The following SDE2 variants were observed in gnomAD, a reference collection of about 807,000 sequenced individuals.
SDE2 encodes spliceosome associated SDE2.
A neutral mutation model predicts 46.9 loss-of-function variants in SDE2; 31 were observed. The ratio of observed to expected loss-of-function variants is 0.66; its 90% CI spans 0.50 to 0.89. The LOEUF is 0.89. Ranked by LOEUF, SDE2 falls within the 40% of genes least tolerant of loss-of-function variation. SDE2 has a pLI of 0.00. For synonymous variants in SDE2, 205 were observed against 204.3 expected (o/e 1.00, Z -0.03); for missense variants, 542 against 564.4 (o/e 0.96, Z 0.40).
chr1:225,998,382 A>C (rs1656580100), intron 1 of SDE2, among the ~76,000 whole-genome samples: 1 of 152,220 alleles, frequency 6.6e-6, no homozygotes, highest in Admixed American at 6.5e-5. Flanking sequence ...TTAAGCTTAT[A>C]AATAGTAAGC....
Position 225,991,308 on chromosome 1 carries a change from T to C in SDE2, c.576A>G (p.Lys192=). 1 of 1,613,918 alleles carries C rather than the reference T, an allele frequency of 6.2e-7. No individual in the cohort carries two copies. The highest frequency in any genetic ancestry group is 8.5e-7 in the Non-Finnish European group (1 of 1,179,826). The change falls in exon 5 of 7, where the codon AAA becomes AAG. Residue 192 remains lysine (K), a synonymous_variant. Coordinates refer to ENST00000272091, the MANE Select transcript of SDE2 (RefSeq NM_152608.4). Reference sequence around the variant, plus strand: ...TTTGAGATTTAGTAGGCCATTGCCGTTTCCGATTCTCACTGATTTCTGCTG... The same window carrying C: ...TTTGAGATTTAGTAGGCCATTGCCGCTTCCGATTCTCACTGATTTCTGCTG... The part of the protein sequence containing the change: ...MVSAEISENR[K]RQWPTKSQTD...
In SDE2 at chr1:225,988,269, T is replaced by C. The variant is rs556090747; in HGVS notation, c.761A>G (p.Asn254Ser). The C allele has an allele frequency of 2.5e-5, 40 of 1,614,196 alleles. No individual in the cohort carries two copies. The highest frequency in any genetic ancestry group is 1.1e-4 in the East Asian group (5 of 44,886). The stretch of plus-strand genomic sequence containing the variant: ...AAATTTGGCTGCCATCTCGACACCA[T>C]TGCTACCAATTTTTGGAGCATGGAA... ...MGFHAPKIGSNGVEMAAKFPS... is the reference protein window; with the variant it reads ...MGFHAPKIGSSGVEMAAKFPS... Residue 254 changes from asparagine to serine, a missense_variant, in exon 6 of 7, where the codon AAT becomes AGT. Asn to Ser is a conservative substitution (Grantham distance 46). Transcript: ENST00000272091.
Position 225,987,981 on chromosome 1 carries a change from T to C in SDE2, c.1049A>G (p.Asp350Gly), listed in dbSNP as rs1656306256. ...NKDKETEERT[D>G]GERVAEVAPE... ...TGCTACCTCAGCAACTCTTTCCCCATCAGTCCTTTCTTCTGTCTCTTTATC... is the reference window on the plus strand; with the variant it reads ...TGCTACCTCAGCAACTCTTTCCCCACCAGTCCTTTCTTCTGTCTCTTTATC... The change falls in exon 6 of 7, where the codon GAT becomes GGT. Residue 350 changes from aspartate to glycine, a missense_variant. Physicochemically the swap from Asp to Gly is moderately conservative, Grantham distance 94 (BLOSUM62 -1). This residue lies in a region of SDE2 where 401 missense variants were observed against 437.8 expected (regional missense o/e 0.92). Transcript: ENST00000272091. 6.2e-7 allele frequency: 1 copy of C among 1,614,066 alleles called. No individual in the cohort carries two copies. The highest frequency in any genetic ancestry group is 8.5e-7 in the Non-Finnish European group (1 of 1,180,004).
intron 6 of SDE2, among the ~76,000 whole-genome samples, chr1:225,986,405 G>C (rs1294097639): frequency 6.6e-6 from 1 of 150,948 alleles, no homozygotes; most frequent in Non-Finnish European, 1.5e-5. Flanking sequence ...GTCTATCTTT[G>C]AGTGATTTTT....
At chr1:225,994,089 T>G (rs904486195) in intron 2 of SDE2, among the ~76,000 whole-genome samples, 6 of 151,470 alleles carry the variant, frequency 4.0e-5, no homozygotes, top group African/African-American at 1.2e-4. Context: ...TTCTTTTTTT[T>G]TTTTTTTGAG....
rs768026117 is a variant in SDE2, at chr1:225,985,445, T to C, written c.1213A>G (p.Lys405Glu). 3.7e-6 allele frequency: 6 copies of C among 1,613,474 alleles called. No individual in the cohort carries two copies. The highest frequency in any genetic ancestry group is 2.7e-5 in the African/African-American group (2 of 74,924). Residue 405 changes from lysine to glutamate, a missense_variant, in exon 7 of 7, where the codon AAA becomes GAA. Coordinates refer to ENST00000272091, the MANE Select transcript of SDE2 (RefSeq NM_152608.4). Reference protein sequence around the residue: ...ELELLGLEKLKCELMALGLKC... With the variant: ...ELELLGLEKLECELMALGLKC... ...AGTCCAAGGGCCATCAGTTCACATT[T>C]GAGCTTCTCCAAACCCAGCAACTCC...
At chr1:225,995,959 C>G (rs552101637) in intron 1 of SDE2, among the ~76,000 whole-genome samples, 59 of 152,124 alleles carry the variant, frequency 3.9e-4, no homozygotes, top group Non-Finnish European at 7.5e-4. Context: ...TGCCCCAGAG[C>G]CTACATGAAT....
At chr1:225,993,089 G>A in intron 2 of SDE2, 87 bp from the exon 3 acceptor site, 1 of 554,686 alleles carries the variant, frequency 1.8e-6, no homozygotes, top group Non-Finnish European at 3.3e-6. Flanking sequence ...TGTATCACAA[G>A]ATTAACAATG....
chr1:225,987,197 C>G (rs752083669), intron 6 of SDE2, among the ~76,000 whole-genome samples: 1 of 152,130 alleles, frequency 6.6e-6, no homozygotes, highest in Non-Finnish European at 1.5e-5. Flanking sequence ...GCGTGCACCA[C>G]CATGCCCGGC....
At chr1:225,993,409 A>T (rs1656448599) in intron 2 of SDE2, among the ~76,000 whole-genome samples, 2 of 152,174 alleles carry the variant, frequency 1.3e-5, no homozygotes, top group African/African-American at 4.8e-5. Context: ...CAGGAGATCA[A>T]GACCATCCTG....
intron 5 of SDE2, among the ~76,000 whole-genome samples, chr1:225,989,918 TA>T (rs1046829001): frequency 1.3e-5 from 2 of 150,320 alleles, no homozygotes. Flanking sequence ...CACAAAAAAA[TA>T]AAAAAAATCA....
chr1:225,988,643 C>T (rs1656324777), intron 5 of SDE2, among the ~76,000 whole-genome samples: 1 of 152,128 alleles, frequency 6.6e-6, no homozygotes, highest in Admixed American at 6.5e-5. Context: ...GCAGGAGAAT[C>T]ACCTGAACCT....
intron 2 of SDE2, 81 bp from the exon 3 acceptor site, chr1:225,993,083 T>C: frequency 1.5e-6 from 1 of 657,276 alleles, no homozygotes; most frequent in Non-Finnish European, 2.7e-6. Context: ...ACAATCTGTA[T>C]CACAAGATTA....
intron 6 of SDE2, 60 bp downstream of exon 6, chr1:225,987,836 T>C (rs766238967): frequency 5.6e-6 from 8 of 1,423,256 alleles, no homozygotes; most frequent in Non-Finnish European, 7.7e-6. Context: ...TTCATTTTAA[T>C]GACTTATTGT....
At chr1:225,991,782 T>C (rs1430621673) in intron 4 of SDE2, among the ~76,000 whole-genome samples, 2 of 152,230 alleles carry the variant, frequency 1.3e-5, no homozygotes, top group East Asian at 3.8e-4. Context: ...TGAGAATCAT[T>C]CACATTAAAA....
At chr1:225,997,354 T>C (rs1656550877) in intron 1 of SDE2, among the ~76,000 whole-genome samples, 1 of 152,176 alleles carries the variant, frequency 6.6e-6, no homozygotes, top group Non-Finnish European at 1.5e-5. Context: ...TCTCAACTAA[T>C]ATTCTTTTGT....
At chr1:225,994,090 T>G (rs1445252936) in intron 2 of SDE2, among the ~76,000 whole-genome samples, 2 of 151,344 alleles carry the variant, frequency 1.3e-5, no homozygotes, top group Non-Finnish European at 3.0e-5. Flanking sequence ...TCTTTTTTTT[T>G]TTTTTTGAGA....
At chr1:225,997,631 C>CATGTT (rs1228952706) in intron 1 of SDE2, among the ~76,000 whole-genome samples, 1 of 152,068 alleles carries the variant, frequency 6.6e-6, no homozygotes, top group Non-Finnish European at 1.5e-5. Context: ...GGGGTTTCAC[C>CATGTT]ATGTTGCCAA....
chr1:225,987,254 T>C (rs1483425820), intron 6 of SDE2, among the ~76,000 whole-genome samples: 1 of 152,146 alleles, frequency 6.6e-6, no homozygotes, highest in Non-Finnish European at 1.5e-5. Context: ...GGTTTCACCA[T>C]GCTGGCCAGG....
Sources: allele counts gnomAD v4.1 joint callset (sites outside exome capture counted in the v4.1 genomes callset), GRCh38; gene constraint gnomAD v4.1.1; regional missense constraint gnomAD v4.1.1; transcripts MANE v1.5; gene names NCBI Gene and HGNC (gene_info 2026-07-23, HGNC 2026-07-21).